RTRAF: variants seen among roughly 807,000 people sequenced by gnomAD.
RTRAF encodes RNA transcription, translation and transport factor, also known as tRNA-splicing ligase complex subunit RTRAF.
A neutral mutation model predicts 34.4 loss-of-function variants in RTRAF; 14 were observed. The ratio of observed to expected loss-of-function variants is 0.41; its 90% CI spans 0.27 to 0.64. The LOEUF is 0.64. Ranked by LOEUF, RTRAF falls within the 30% of genes least tolerant of loss-of-function variation. RTRAF has a pLI of 0.34. For synonymous variants in RTRAF, 96 were observed against 95.3 expected (o/e 1.01, Z -0.04); for missense variants, 291 against 288.4 (o/e 1.01, Z -0.06).
Position 52,007,732 on chromosome 14 carries a change from A to AT in RTRAF, c.*3220dup. The AT allele has an allele frequency of 1.6e-6, 2 of 1,278,928 alleles. No homozygotes were observed. The highest frequency in any genetic ancestry group is 2.2e-6 in the Non-Finnish European group (2 of 898,096). The allele number at this position is 1,278,928 out of a possible 1,614,324, so 79.2% of individuals were successfully genotyped here. A position where few individuals can be genotyped will look rare whatever the true frequency, so the allele number is the denominator to read the frequency against. ...AAGGAGATCTAAGTGATGGGATTTC[A>AT]TTTTGTAGTAAAATCTGTTAGTGCT... On this transcript the variant is annotated 3_prime_UTR_variant, in exon 8 of 8. Coordinates refer to ENST00000261700, the MANE Select transcript of RTRAF (RefSeq NM_016039.3).
chr14:51,999,496 A>G, intron 4 of RTRAF: 1 of 442,014 alleles, frequency 2.3e-6, no homozygotes, highest in Non-Finnish European at 4.1e-6. Context: ...GGACCGTCTC[A>G]TACAGTAATA....
At position 52,008,041 on chromosome 14, in the gene RTRAF, G is replaced by T; in HGVS notation, c.*3525G>T. On this transcript the variant is annotated 3_prime_UTR_variant, in exon 8 of 8. Transcript: ENST00000261700. The stretch of plus-strand genomic sequence containing the variant: ...GTAGGCAGCATCTAAGCAGCCCCCA[G>T]TGATCTCCATCTCCTCATGTATTAT... 5 of 1,221,602 alleles carry T rather than the reference G, an allele frequency of 4.1e-6. No homozygotes were observed. The highest frequency in any genetic ancestry group is 5.8e-6 in the Non-Finnish European group (5 of 865,688). 75.7% of individuals were successfully genotyped at this position (1,221,602 alleles called of 1,614,324 possible).
intron 3 of RTRAF, chr14:51,998,263 A>C: frequency 2.6e-6 from 1 of 385,346 alleles, no homozygotes; most frequent in Non-Finnish European, 4.7e-6. Context: ...TTGTACATTG[A>C]ACATAAAAAT....
intron 1 of RTRAF, 51 bp downstream of exon 1, chr14:51,989,751 C>T (rs1308494945): frequency 6.5e-7 from 1 of 1,543,148 alleles, no homozygotes; most frequent in Non-Finnish European, 8.8e-7. Flanking sequence ...GGGCGGAGGT[C>T]CCAGCCTCAG....
In RTRAF at chr14:52,004,554, G is replaced by A. The variant is rs753904403; in HGVS notation, c.*38G>A. The A allele has an allele frequency of 2.5e-6, 4 of 1,576,762 alleles. No individual in the cohort carries two copies. The highest frequency in any genetic ancestry group is 3.4e-6 in the Non-Finnish European group (4 of 1,161,272). On this transcript the variant is annotated 3_prime_UTR_variant, in exon 8 of 8. Transcript: ENST00000261700. ...TTCAGCTTCTCACCTACTTAGTACA[G>A]TTGGGAACCATACACTTCTGGCATG... is the stretch of plus-strand genomic sequence containing the variant.
rs1276542766 is a variant in RTRAF, at chr14:52,008,334, GC to G, written c.*3819del. 2 of 166,678 alleles carry G rather than the reference GC, an allele frequency of 1.2e-5. No individual in the cohort carries two copies. The highest frequency in any genetic ancestry group is 4.8e-5 in the African/African-American group (2 of 41,808). 10.3% of individuals were successfully genotyped at this position (166,678 alleles called of 1,614,324 possible). On this transcript the variant is annotated 3_prime_UTR_variant, in exon 8 of 8. Coordinates refer to ENST00000261700, the MANE Select transcript of RTRAF (RefSeq NM_016039.3). ...TTAGTCTTGCCTGTAGCCCATGTGA[GC>G]ATGCTTGGGCTGTGTCTTCCCCGAG...
At chr14:51,994,555 C>G (rs1890487234) in intron 3 of RTRAF, among the ~76,000 whole-genome samples, 1 of 152,180 alleles carries the variant, frequency 6.6e-6, no homozygotes, top group East Asian at 1.9e-4. Flanking sequence ...AATTCAGGCT[C>G]TTGTCACTTT....
Position 52,005,486 on chromosome 14 carries a change from T to C in RTRAF, c.*970T>C. 1 of 1,597,982 alleles carries C rather than the reference T, an allele frequency of 6.3e-7. No homozygotes were observed. Among genetic ancestry groups the C allele is most frequent in the South Asian group, 1.1e-5 (1 of 87,922 alleles). ...CAAGTCTTCCTTTACATTACTGTAC[T>C]TACTTTCTTCCTGTGAGAGAAGAGC... On this transcript the variant is annotated 3_prime_UTR_variant, in exon 8 of 8. Transcript: ENST00000261700.
intron 5 of RTRAF, 61 bp downstream of exon 5, chr14:51,999,857 T>C: frequency 8.4e-7 from 1 of 1,189,148 alleles, no homozygotes. Context: ...GTCTTTATTT[T>C]CTAAATATTA....
rs1890683944 is a variant in RTRAF at position 52,004,662 on chromosome 14, T to C, written c.*146T>C. 1 of 677,460 alleles carries C rather than the reference T, an allele frequency of 1.5e-6. No individual in the cohort carries two copies. Among genetic ancestry groups the C allele is most frequent in the Admixed American group, 3.4e-5 (1 of 29,524 alleles). The allele number at this position is 677,460 out of a possible 1,614,324, so 42.0% of individuals were successfully genotyped here. A position where few individuals can be genotyped will look rare whatever the true frequency, so the allele number is the denominator to read the frequency against. On this transcript the variant is annotated 3_prime_UTR_variant, in exon 8 of 8. Coordinates refer to ENST00000261700, the MANE Select transcript of RTRAF (RefSeq NM_016039.3). ...CTAGAGATTTACCACCATTGCTTAT[T>C]GCTTTTTTCTTTAATAAAGTTTAGG...
At chr14:51,992,067 A>G (rs1443353087) in intron 2 of RTRAF, among the ~76,000 whole-genome samples, 1 of 150,270 alleles carries the variant, frequency 6.7e-6, no homozygotes, top group African/African-American at 2.5e-5. Context: ...GCTTATATTT[A>G]ATGTAAACAG....
intron 3 of RTRAF, 179 bp from the exon 4 acceptor site, chr14:51,998,315 C>A: frequency 2.1e-6 from 1 of 466,134 alleles, no homozygotes; most frequent in South Asian, 4.1e-5. Flanking sequence ...CAAAATATCC[C>A]ATTTTATATA....
Position 51,999,703 on chromosome 14 carries a change from T to C in RTRAF, c.374-5T>C. Reference sequence around the variant, plus strand: ...AAGTTTTTGTTTGTTTTTAATCTTTTATAGTAAATAATCCTGATTTTAAGG... The same window carrying C: ...AAGTTTTTGTTTGTTTTTAATCTTTCATAGTAAATAATCCTGATTTTAAGG... On this transcript the variant is annotated splice_polypyrimidine_tract_variant and splice_region_variant and intron_variant, in intron 4 of 7. Transcript: ENST00000261700. The C allele has an allele frequency of 1.3e-6, 2 of 1,594,708 alleles. No individual in the cohort carries two copies. Among genetic ancestry groups the C allele is most frequent in the South Asian group, 2.2e-5 (2 of 89,288 alleles).
In RTRAF at chr14:52,006,327, G is replaced by A. The variant is rs756366593; in HGVS notation, c.*1811G>A. Reference sequence around the variant, plus strand: ...AAGCTATATGTGAGCAATACCATTCGATTTCTGGGTGAAGTAAAAGGATGA... The same window carrying A: ...AAGCTATATGTGAGCAATACCATTCAATTTCTGGGTGAAGTAAAAGGATGA... On this transcript the variant is annotated 3_prime_UTR_variant, in exon 8 of 8. Coordinates refer to ENST00000261700, the MANE Select transcript of RTRAF (RefSeq NM_016039.3). 6.3e-5 allele frequency: 34 copies of A among 537,656 alleles called. No homozygotes were observed. The highest frequency in any genetic ancestry group is 8.6e-5 in the Non-Finnish European group (26 of 301,632). The allele number at this position is 537,656 out of a possible 1,614,324, so 33.3% of individuals were successfully genotyped here.
chr14:51,998,615 A>G (rs763776841), intron 4 of RTRAF, 35 bp downstream of exon 4: 48 of 1,410,096 alleles, frequency 3.4e-5, no homozygotes, highest in African/African-American at 1.5e-5. Flanking sequence ...GAACATCAAC[A>G]TTTTTGGTTT....
At chr14:52,001,901 G>A (rs756031775) in intron 6 of RTRAF, 35 bp downstream of exon 6, 1 of 1,544,810 alleles carries the variant, frequency 6.5e-7, no homozygotes, top group Non-Finnish European at 8.9e-7. Flanking sequence ...AGTTGTTAAT[G>A]AACATTTCTT....
intron 6 of RTRAF, 94 bp from the exon 7 acceptor site, chr14:52,004,099 GA>G (rs1295453001): frequency 3.0e-4 from 313 of 1,060,546 alleles, no homozygotes; most frequent in Non-Finnish European, 6.8e-5. Flanking sequence ...AAAGAGTTAA[GA>G]CACCAGAATA....
Position 52,007,770 on chromosome 14 carries a change from G to GA in RTRAF, c.*3255dup, listed in dbSNP as rs755963051. ...ATCTGTTAGTGCTCACATTCACTGT[G>GA]ATGAGAGGTTATCTATTTGCATTCC... On this transcript the variant is annotated 3_prime_UTR_variant, in exon 8 of 8. Transcript: ENST00000261700. The GA allele has an allele frequency of 6.5e-7, 1 of 1,548,674 alleles. No homozygotes were observed. The highest frequency in any genetic ancestry group is 1.4e-5 in the African/African-American group (1 of 73,332).
At chr14:51,990,689 A>G (rs1473957011) in intron 1 of RTRAF, among the ~76,000 whole-genome samples, 3 of 152,188 alleles carry the variant, frequency 2.0e-5, no homozygotes, top group East Asian at 1.9e-4. Context: ...GTAAAATGGG[A>G]TATTACCTAC....
Sources: allele counts gnomAD v4.1 joint callset (sites outside exome capture counted in the v4.1 genomes callset), GRCh38; gene constraint gnomAD v4.1.1; transcripts MANE v1.5; gene names NCBI Gene and HGNC (gene_info 2026-07-23, HGNC 2026-07-21).